The following CAPRIN2 variants were observed in gnomAD, a reference collection of about 807,000 sequenced individuals.
CAPRIN2 encodes the protein caprin family member 2.
CAPRIN2 carries 66 observed loss-of-function variants against 130.4 expected under a neutral mutation model. The ratio of observed to expected loss-of-function variants is 0.51; its 90% CI spans 0.42 to 0.62. The LOEUF is 0.62. Ranked by LOEUF, CAPRIN2 falls within the 20% of genes least tolerant of loss-of-function variation. CAPRIN2 has a pLI of 0.00. For synonymous variants in CAPRIN2, 471 were observed against 444.1 expected (o/e 1.06, Z -0.76); for missense variants, 1,185 against 1,246.6 (o/e 0.95, Z 0.74).
chr12:30,714,676 A>G (rs2056825752), intron 14 of CAPRIN2, among the ~76,000 whole-genome samples: 1 of 152,238 alleles, frequency 6.6e-6, no homozygotes, highest in Non-Finnish European at 1.5e-5. Flanking sequence ...TTAAGTCAAC[A>G]AAAGAAAAAC....
upstream of CAPRIN2, chr12:30,754,714 C>A: frequency 6.5e-6 from 1 of 153,888 alleles, no homozygotes; most frequent in South Asian, 1.8e-4. Context: ...CGCCTCCCTC[C>A]GCCGCGCCGA....
At chr12:30,737,359 G>A (rs767513303) in intron 3 of CAPRIN2, among the ~76,000 whole-genome samples, 8 of 151,906 alleles carry the variant, frequency 5.3e-5, no homozygotes, top group African/African-American at 1.5e-4. Context: ...ATTCACTAAC[G>A]CCCAGCACAG....
exon 8 of CAPRIN2, chr12:30,728,708 T>A (rs1217081404): frequency 1.2e-6 from 2 of 1,614,140 alleles, no homozygotes; most frequent in Non-Finnish European, 1.7e-6. Context: ...TGAGGCTTGC[T>A]GTAGCTACTC....
chr12:30,737,907 G>A (rs1376555272), intron 3 of CAPRIN2, among the ~76,000 whole-genome samples: 1 of 152,004 alleles, frequency 6.6e-6, no homozygotes, highest in Non-Finnish European at 1.5e-5. Context: ...GATAAAATTG[G>A]TTTTCTTAAT....
chr12:30,740,786 G>A (rs2067110980), intron 3 of CAPRIN2, among the ~76,000 whole-genome samples: 1 of 152,106 alleles, frequency 6.6e-6, no homozygotes, highest in Non-Finnish European at 1.5e-5. Flanking sequence ...GATAACTAAT[G>A]CTTTATTCAC....
exon 1 of CAPRIN2, chr12:30,753,429 G>A (rs1044122754): frequency 1.2e-6 from 2 of 1,614,064 alleles, no homozygotes; most frequent in Non-Finnish European, 1.7e-6. Flanking sequence ...GGAAGGAGAT[G>A]CAGCAGAACT....
At chr12:30,716,304 T>G (rs2057535992) in intron 13 of CAPRIN2, 1 of 495,212 alleles carries the variant, frequency 2.0e-6, no homozygotes, top group Non-Finnish European at 3.5e-6. Flanking sequence ...CTAAGTTCTA[T>G]CTCTACAAAA....
In CAPRIN2 at chr12:30,730,896, A is replaced by G. The variant is rs2062460593; in HGVS notation, c.1060+447T>C. 2.0e-5 allele frequency among the ~76,000 whole-genome samples: 3 copies of G among 152,192 alleles called. No homozygotes were observed. In the South Asian group the frequency reaches 6.2e-4, roughly 32 times the overall value. ...GCTCAAAGTATTTCTTCCCCAGGCA[A>G]ATGATAATTTTAAAAGTATATTTTC... On this transcript the variant is annotated intron_variant, in intron 6 of 16. Coordinates refer to ENST00000298892, the Ensembl canonical transcript of CAPRIN2.
chr12:30,749,241 G>C (rs1347156239), intron 2 of CAPRIN2, among the ~76,000 whole-genome samples: 1 of 152,164 alleles, frequency 6.6e-6, no homozygotes, highest in Non-Finnish European at 1.5e-5. Flanking sequence ...AGGGAAAGAA[G>C]AGCAAGAAAT....
intron 1 of CAPRIN2, among the ~76,000 whole-genome samples, chr12:30,752,218 G>A (rs11610452): frequency 0.22 from 34,056 of 151,790 alleles, 4,074 homozygotes; most frequent in Middle Eastern, 0.31. Flanking sequence ...CACTGCACCC[G>A]GACCCACTAT....
chr12:30,751,907 GTATTTTTT>G (rs377492718), intron 1 of CAPRIN2, among the ~76,000 whole-genome samples: 20,090 of 122,588 alleles, frequency 0.16, 2,004 homozygotes, highest in Non-Finnish European at 0.23. Flanking sequence ...ACCCACTATG[GTATTTTTT>G]TTTTTTTTTT....
At chr12:30,729,047 C>T (rs1359678154) in exon 8 of CAPRIN2, 7 of 1,613,754 alleles carry the variant, frequency 4.3e-6, no homozygotes, top group Non-Finnish European at 5.9e-6. Context: ...ATTTGGAGAT[C>T]TCCTGCTTCT....
intron 12 of CAPRIN2, among the ~76,000 whole-genome samples, chr12:30,718,350 G>A (rs575567776): frequency 2.0e-5 from 3 of 152,214 alleles, no homozygotes; most frequent in South Asian, 2.1e-4. Flanking sequence ...CTCACCAGCC[G>A]ATCTCCCGGG....
At chr12:30,718,093 T>C (rs1164551048) in intron 12 of CAPRIN2, among the ~76,000 whole-genome samples, 1 of 152,178 alleles carries the variant, frequency 6.6e-6, no homozygotes, top group East Asian at 1.9e-4. Flanking sequence ...GACAAGAATA[T>C]ATAAGGCAAG....
intron 3 of CAPRIN2, among the ~76,000 whole-genome samples, chr12:30,736,521 A>G (rs1290287817): frequency 1.3e-5 from 2 of 152,238 alleles, no homozygotes; most frequent in African/African-American, 4.8e-5. Flanking sequence ...TTAGGGGGAA[A>G]ACCTCATGAA....
chr12:30,725,994 T>C, exon 9 of CAPRIN2: 1 of 1,598,444 alleles, frequency 6.3e-7, no homozygotes, highest in Non-Finnish European at 8.5e-7. Context: ...TCCTTGAATC[T>C]GAGTCATCAG....
rs1035106031 is a variant in CAPRIN2, at chr12:30,733,726, C to T, written c.810-15G>A. 4.4e-6 allele frequency: 7 copies of T among 1,599,076 alleles called. No individual in the cohort carries two copies. Among genetic ancestry groups the T allele is most frequent in the Non-Finnish European group, 6.0e-6 (7 of 1,166,382 alleles). ...GGTCTTCAACACTGACAAGGAAAAG[C>T]AGCAGCAGAACAAAGTGGCTTTAGA... On this transcript the variant is annotated splice_polypyrimidine_tract_variant and intron_variant, in intron 4 of 16. Coordinates refer to ENST00000298892, the Ensembl canonical transcript of CAPRIN2.
intron 15 of CAPRIN2, 73 bp downstream of exon 17, chr12:30,713,712 C>T (rs1287501695): frequency 3.2e-5 from 27 of 841,586 alleles, no homozygotes; most frequent in South Asian, 1.7e-5. Flanking sequence ...TATGACTCTG[C>T]GATATACTTC....
intron 1 of CAPRIN2, among the ~76,000 whole-genome samples, chr12:30,752,108 G>A (rs975019906): frequency 6.6e-6 from 1 of 151,710 alleles, no homozygotes; most frequent in Non-Finnish European, 1.5e-5. Flanking sequence ...TTTTAGTAGA[G>A]ACGGGGTTTC....
Sources: allele counts gnomAD v4.1 joint callset (sites outside exome capture counted in the v4.1 genomes callset), GRCh38; gene constraint gnomAD v4.1.1; transcripts MANE v1.5; gene names NCBI Gene and HGNC (gene_info 2026-07-23, HGNC 2026-07-21).